IL1RAPL1: variants seen among roughly 807,000 people sequenced by gnomAD.
IL1RAPL1 encodes the protein interleukin-1 receptor accessory protein-like 1.
A neutral mutation model predicts 48.4 loss-of-function variants in IL1RAPL1; 3 were observed. The ratio of observed to expected loss-of-function variants is 0.06; its 90% CI spans 0.03 to 0.16. The LOEUF (loss-of-function observed/expected upper bound fraction) is 0.16, where lower values mean the gene tolerates loss of function less well. Among genes scored for constraint, IL1RAPL1 ranks in the 10% least tolerant of loss-of-function variants. IL1RAPL1 has a pLI of 1.00. For missense variants in IL1RAPL1, 349 were observed against 530.6 expected, an observed-to-expected ratio of 0.66 and a Z score of 3.36; for synonymous variants, 185 against 187.7, an observed-to-expected ratio of 0.99 and a Z score of 0.12.
intron 5 of IL1RAPL1, among the ~76,000 whole-genome samples, chrX:29,632,073 C>G (rs1241176851): frequency 9.0e-6 from 1 of 111,121 alleles, no homozygotes; most frequent in African/African-American, 3.3e-5. Flanking sequence ...AATCTCTTCC[C>G]ATTCAATCTC....
intron 2 of IL1RAPL1, among the ~76,000 whole-genome samples, chrX:29,158,931 TCCCCCCCC>T (rs1176557881): frequency 1.3e-4 from 7 of 55,660 alleles, no homozygotes; most frequent in South Asian, 1.3e-3. Context: ...TCTCTCTCTC[TCCCCCCCC>T]CTCCCTCCCT....
intron 2 of IL1RAPL1, among the ~76,000 whole-genome samples, chrX:29,063,469 C>T (rs1174646734): frequency 1.8e-5 from 2 of 111,518 alleles, no homozygotes; most frequent in Non-Finnish European, 3.8e-5. Flanking sequence ...GGCTACCAAT[C>T]CATTTTTGTT....
At chrX:29,791,164 A>G (rs1007305211) in intron 6 of IL1RAPL1, among the ~76,000 whole-genome samples, 4 of 110,075 alleles carry the variant, frequency 3.6e-5, no homozygotes, top group African/African-American at 1.3e-4. Flanking sequence ...TATTTATTTT[A>G]TACCAGGGAG....
intron 2 of IL1RAPL1, among the ~76,000 whole-genome samples, chrX:29,270,774 T>A (rs1394496398): frequency 8.9e-6 from 1 of 112,141 alleles, no homozygotes; most frequent in East Asian, 2.8e-4. Context: ...TACTTAACAT[T>A]TTCATGTGAA....
At chrX:29,329,174 A>AACACAC (rs772710766) in intron 3 of IL1RAPL1, among the ~76,000 whole-genome samples, 1 of 109,122 alleles carries the variant, frequency 9.2e-6, no homozygotes, top group Non-Finnish European at 1.9e-5. Context: ...CACACACTCA[A>AACACAC]ACACACACAC....
intron 2 of IL1RAPL1, among the ~76,000 whole-genome samples, chrX:29,226,673 G>A (rs1360505959): frequency 9.2e-6 from 1 of 108,832 alleles, no homozygotes; most frequent in African/African-American, 3.3e-5. Context: ...GACCTCAGAC[G>A]ATCCACATGC....
intron 3 of IL1RAPL1, among the ~76,000 whole-genome samples, chrX:29,303,516 A>G (rs1449269879): frequency 8.9e-6 from 1 of 111,871 alleles, no homozygotes; most frequent in Non-Finnish European, 1.9e-5. Context: ...TCTAACCAGA[A>G]GACCTAGAGT....
chrX:29,688,289 T>C (rs777460761), intron 6 of IL1RAPL1, among the ~76,000 whole-genome samples: 54 of 110,977 alleles, frequency 4.9e-4, no homozygotes, highest in Admixed American at 1.3e-3. Context: ...TCTTCCAAGG[T>C]CTATGGCTGT....
At chrX:28,846,291 C>T (rs1281213408) in intron 2 of IL1RAPL1, among the ~76,000 whole-genome samples, 2 of 111,753 alleles carry the variant, frequency 1.8e-5, no homozygotes, top group African/African-American at 3.3e-5. Flanking sequence ...ATTCTATTGT[C>T]GGGATGTACC....
In IL1RAPL1 at chrX:29,027,572, T is replaced by C. The variant is rs145716721; in HGVS notation, c.82+238147T>C. ...AAAACCAAGGAGCACAGTTGTTGGA[T>C]TGCATGGTAAGAGTATATATATTTT... On this transcript the variant is annotated intron_variant, in intron 2 of 10. Transcript: ENST00000378993. Among the ~76,000 whole-genome samples, 218 of 111,908 alleles carry C rather than the reference T, an allele frequency of 1.9e-3. 6 individuals are homozygous for C. In the East Asian group the frequency reaches 0.035, roughly 18 times the overall value.
At chrX:29,328,234 G>A (rs1346068417) in intron 3 of IL1RAPL1, among the ~76,000 whole-genome samples, 1 of 111,624 alleles carries the variant, frequency 9.0e-6, no homozygotes, top group East Asian at 2.8e-4. Context: ...GCTGCTCTAG[G>A]TTGATTATTT....
At chrX:29,874,324 A>G (rs147359923) in intron 6 of IL1RAPL1, among the ~76,000 whole-genome samples, 278 of 111,894 alleles carry the variant, frequency 2.5e-3, no homozygotes, top group African/African-American at 8.8e-3. Context: ...TGGAAAAAAA[A>G]TGCTCTAAGG....
intron 6 of IL1RAPL1, among the ~76,000 whole-genome samples, chrX:29,767,564 A>G (rs1293744738): frequency 1.8e-5 from 2 of 111,908 alleles, no homozygotes; most frequent in African/African-American, 6.5e-5. Flanking sequence ...TTAATTGCTA[A>G]CCAAGTGATA....
intron 5 of IL1RAPL1, among the ~76,000 whole-genome samples, chrX:29,528,132 C>A: frequency 8.9e-6 from 1 of 112,243 alleles, no homozygotes; most frequent in East Asian, 2.8e-4. Flanking sequence ...CCCACTTTGA[C>A]CTAGCAATCT....
chrX:29,613,714 TGTGTG>T (rs1178654396), intron 5 of IL1RAPL1, among the ~76,000 whole-genome samples: 1 of 41,489 alleles, frequency 2.4e-5, no homozygotes, highest in Admixed American at 2.3e-4. Flanking sequence ...GTTTTTTTCG[TGTGTG>T]TGTGTGTGTG....
chrX:29,167,936 G>C (rs1024211462), intron 2 of IL1RAPL1, among the ~76,000 whole-genome samples: 1 of 110,786 alleles, frequency 9.0e-6, no homozygotes, highest in Admixed American at 9.7e-5. Flanking sequence ...TCAAATGGAA[G>C]TACTATACTA....
At chrX:29,035,373 A>T (rs185384997) in intron 2 of IL1RAPL1, among the ~76,000 whole-genome samples, 2 of 112,405 alleles carry the variant, frequency 1.8e-5, no homozygotes, top group Admixed American at 1.9e-4. Context: ...TTTAGATCCA[A>T]ATGTAACATA....
At chrX:29,185,241 C>T (rs1203827923) in intron 2 of IL1RAPL1, among the ~76,000 whole-genome samples, 2 of 112,461 alleles carry the variant, frequency 1.8e-5, no homozygotes. Flanking sequence ...ATTCAATTGA[C>T]TGGAAACATT....
At position 29,058,053 on chromosome X, in the gene IL1RAPL1, A is replaced by G. The variant is rs966036411; in HGVS notation, c.83-224885A>G. Among the ~76,000 whole-genome samples the G allele has an allele frequency of 5.4e-5, 6 of 111,500 alleles. No homozygotes were observed. In the East Asian group the frequency reaches 1.4e-3, roughly 26 times the overall value. ...ATGTGGCTACTAAGTATTTCTGTCC[A>G]TGAAAAATGACTGAAATCATAATGT... On this transcript the variant is annotated intron_variant, in intron 2 of 10. Coordinates refer to ENST00000378993, the MANE Select transcript of IL1RAPL1 (RefSeq NM_014271.4).
Sources: allele counts gnomAD v4.1 joint callset (sites outside exome capture counted in the v4.1 genomes callset), GRCh38; gene constraint gnomAD v4.1.1; transcripts MANE v1.5; gene names NCBI Gene and HGNC (gene_info 2026-07-23, HGNC 2026-07-21).